The following AP1AR variants were observed in gnomAD, a reference collection of about 807,000 sequenced individuals.
AP1AR encodes AP-1 complex-associated regulatory protein.
Under a neutral mutation model 46.3 loss-of-function variants are expected in AP1AR, and 29 were observed. The ratio of observed to expected loss-of-function variants is 0.63; its 90% CI spans 0.47 to 0.85. The LOEUF (loss-of-function observed/expected upper bound fraction) is 0.85. Among genes scored for constraint, AP1AR ranks in the 40% least tolerant of loss-of-function variants. AP1AR has a pLI of 0.00. For synonymous variants in AP1AR, 122 were observed against 122.9 expected, an observed-to-expected ratio of 0.99 and a Z score of 0.05; for missense variants, 357 against 356.3, an observed-to-expected ratio of 1.00 and a Z score of -0.02.
chr4:112,263,037 C>T lies in AP1AR; in HGVS notation c.332C>T (p.Ala111Val). ...AGACTAGAAGAAGAAGCTTTATACG[C>T]TGCACAGCGTGAAGCAGCCAGGGCA... is the stretch of plus-strand genomic sequence containing the variant. ...KLRLEEEALY[A>V]AQREAARAAK... Residue 111 changes from alanine (A) to valine (V), a missense_variant, in exon 6 of 10, where the codon GCT becomes GTT. This residue lies in a region of AP1AR where 269 missense variants were observed against 223.6 expected (regional missense o/e 1.20). Coordinates refer to ENST00000274000, the MANE Select transcript of AP1AR (RefSeq NM_018569.6). 2 of 1,613,900 alleles carry T rather than the reference C, an allele frequency of 1.2e-6. No individual in the cohort carries two copies. The highest frequency in any genetic ancestry group is 1.7e-6 in the Non-Finnish European group (2 of 1,179,860).
At chr4:112,247,359 G>A (rs536213616) in intron 1 of AP1AR, among the ~76,000 whole-genome samples, 3 of 152,182 alleles carry the variant, frequency 2.0e-5, no homozygotes, top group Admixed American at 6.5e-5. Flanking sequence ...GTTAAATATA[G>A]GAATACTTTT....
intron 1 of AP1AR, among the ~76,000 whole-genome samples, chr4:112,242,414 G>A (rs1006894555): frequency 3.3e-5 from 5 of 150,984 alleles, no homozygotes; most frequent in East Asian, 1.9e-4. Context: ...AGGCTGTGTC[G>A]ACATAAAGGA....
intron 3 of AP1AR, among the ~76,000 whole-genome samples, chr4:112,256,165 CTCT>C (rs1216025237): frequency 3.3e-5 from 5 of 152,150 alleles, no homozygotes; most frequent in Non-Finnish European, 4.4e-5. Context: ...TTCAACTCAG[CTCT>C]TCTTAAATTA....
rs1030949081 is a variant in AP1AR at position 112,231,824 on chromosome 4, T to A, written c.-268T>A. ...CTAGGAGCTGAGGCGAGAAGGGCCA[T>A]GCGGACGGCGAGGGAGTCCAGAGCC... On this transcript the variant is annotated 5_prime_UTR_variant, in exon 1 of 10. The change abolishes an upstream ATG in the 5' untranslated region. Coordinates refer to ENST00000274000, the MANE Select transcript of AP1AR (RefSeq NM_018569.6). The A allele has an allele frequency of 4.0e-5, 14 of 351,208 alleles. No individual in the cohort carries two copies. Among genetic ancestry groups the A allele is most frequent in the Non-Finnish European group, 7.1e-5 (14 of 196,246 alleles). The allele number at this position is 351,208 out of a possible 1,614,324, so 21.8% of individuals were successfully genotyped here.
At position 112,232,004 on chromosome 4, in the gene AP1AR, C is replaced by T. The variant is rs920576909; in HGVS notation, c.-88C>T. ...CCTCGGTCCTTGAACCCCATTTCGG[C>T]TCGTGCCGTGCGGATGCAGCTGCCG... On this transcript the variant is annotated 5_prime_UTR_variant, in exon 1 of 10. Transcript: ENST00000274000. 3 of 1,230,566 alleles carry T rather than the reference C, an allele frequency of 2.4e-6. No individual in the cohort carries two copies. Among genetic ancestry groups the T allele is most frequent in the Non-Finnish European group, 2.1e-6 (2 of 955,894 alleles). The allele number at this position is 1,230,566 out of a possible 1,614,324, so 76.2% of individuals were successfully genotyped here. A position where few individuals can be genotyped will look rare whatever the true frequency, so the allele number is the denominator to read the frequency against.
chr4:112,245,992 C>T (rs752242054), intron 1 of AP1AR, among the ~76,000 whole-genome samples: 8 of 152,016 alleles, frequency 5.3e-5, no homozygotes, highest in East Asian at 1.9e-4. Flanking sequence ...TAGAAATGTA[C>T]GTTAATAGTT....
Position 112,262,996 on chromosome 4 carries a change from A to G in AP1AR, c.291A>G (p.Leu97=), listed in dbSNP as rs768694688. 3.1e-6 allele frequency: 5 copies of G among 1,613,448 alleles called. No homozygotes were observed. The highest frequency in any genetic ancestry group is 8.5e-7 in the Non-Finnish European group (1 of 1,179,480). ...GTTTTGTTCATGTACAGTTAGCCTT[A>G]CAAGAAGAGAAGTTAAGACTAGAAG... ...LDKKIQKELA[L]QEEKLRLEEE... is the part of the protein sequence containing the mutation. The change falls in exon 6 of 10, where the codon TTA becomes TTG. Residue 97 remains leucine (L), a synonymous_variant. Transcript: ENST00000274000.
At chr4:112,260,022 G>A (rs1432895767) in intron 4 of AP1AR, among the ~76,000 whole-genome samples, 1 of 152,164 alleles carries the variant, frequency 6.6e-6, no homozygotes, top group Non-Finnish European at 1.5e-5. Flanking sequence ...TGTAGGATAT[G>A]TGAAGGAATT....
chr4:112,257,752 TTTAA>T lies in AP1AR; in HGVS notation c.160-13_160-10del. 3 of 1,548,458 alleles carry T rather than the reference TTTAA, an allele frequency of 1.9e-6. No homozygotes were observed. The highest frequency in any genetic ancestry group is 2.6e-6 in the Non-Finnish European group (3 of 1,147,820). On this transcript the variant is annotated splice_polypyrimidine_tract_variant and intron_variant, in intron 3 of 9. Transcript: ENST00000274000. The stretch of plus-strand genomic sequence containing the variant: ...TTAGCTAATGAATTTGTTTTAATTG[TTTAA>T]TTAATTTTTGTACAGGGGGAGAGCC...
rs1004078769 is a variant in AP1AR at position 112,269,065 on chromosome 4, G to A, written c.*656G>A. The A allele has an allele frequency of 9.7e-5, 14 of 145,022 alleles. No homozygotes were observed. Among genetic ancestry groups the A allele is most frequent in the Admixed American group, 4.2e-4 (6 of 14,300 alleles). The allele number at this position is 145,022 out of a possible 1,614,324, so 9.0% of individuals were successfully genotyped here. The stretch of plus-strand genomic sequence containing the variant: ...CTTCAGAGTTTGGACATTTCAAGTT[G>A]GTAATAATAAAAAATAATATTTAAG... On this transcript the variant is annotated 3_prime_UTR_variant, in exon 10 of 10. Transcript: ENST00000274000.
At chr4:112,260,698 TTTA>T in intron 4 of AP1AR, 65 bp from the exon 5 acceptor site, 1 of 1,003,950 alleles carries the variant, frequency 1.0e-6, no homozygotes, top group South Asian at 2.1e-5. Context: ...TTTTGAGTGT[TTTA>T]TTTGGACTTA....
rs1402964487 is a variant in AP1AR at position 112,265,674 on chromosome 4, A to T, written c.441-60A>T. 5.6e-6 allele frequency: 7 copies of T among 1,255,644 alleles called. No individual in the cohort carries two copies. In the South Asian group the frequency reaches 6.5e-5, roughly 12 times the overall value. The allele number at this position is 1,255,644 out of a possible 1,614,324, so 77.8% of individuals were successfully genotyped here. On this transcript the variant is annotated intron_variant, in intron 7 of 9. Coordinates refer to ENST00000274000, the MANE Select transcript of AP1AR (RefSeq NM_018569.6). Reference sequence around the variant, plus strand: ...AGCCACAATGCCATCATTAGCTTATATATTTGTCATATTGCAGCTACCATG... The same window carrying T: ...AGCCACAATGCCATCATTAGCTTATTTATTTGTCATATTGCAGCTACCATG...
intron 1 of AP1AR, among the ~76,000 whole-genome samples, chr4:112,244,159 C>A (rs1054935874): frequency 1.3e-5 from 2 of 152,088 alleles, no homozygotes; most frequent in African/African-American, 4.8e-5. Context: ...TAAATAAATG[C>A]AGGGCAATAC....
At position 112,257,917 on chromosome 4, in the gene AP1AR, C is replaced by G; in HGVS notation, c.185+120C>G. On this transcript the variant is annotated intron_variant, in intron 4 of 9. Transcript: ENST00000274000. The stretch of plus-strand genomic sequence containing the variant: ...ACATTAAACAGTTTACATTTCAGAA[C>G]TTTCAGATTTTTCTTTTTATAAGAT... 3 of 804,546 alleles carry G rather than the reference C, an allele frequency of 3.7e-6. No homozygotes were observed. In the South Asian group the frequency reaches 7.9e-5, roughly 21 times the overall value. The allele number at this position is 804,546 out of a possible 1,614,324, so 49.8% of individuals were successfully genotyped here. A position where few individuals can be genotyped will look rare whatever the true frequency, so the allele number is the denominator to read the frequency against.
At chr4:112,234,051 G>A (rs1157115777) in intron 1 of AP1AR, among the ~76,000 whole-genome samples, 1 of 152,136 alleles carries the variant, frequency 6.6e-6, no homozygotes, top group East Asian at 1.9e-4. Flanking sequence ...AGTAGAGACC[G>A]GGTTTCACCC....
intron 1 of AP1AR, among the ~76,000 whole-genome samples, chr4:112,236,658 C>T: frequency 6.6e-6 from 1 of 152,172 alleles, no homozygotes. Context: ...ACCTCGGCTT[C>T]CCAAAGTGCT....
intron 3 of AP1AR, among the ~76,000 whole-genome samples, chr4:112,255,117 G>A (rs1383178699): frequency 6.6e-5 from 10 of 151,862 alleles, no homozygotes; most frequent in African/African-American, 1.7e-4. Flanking sequence ...CCGCCACTAC[G>A]CCCGGCTAAT....
At chr4:112,263,647 T>A (rs906208486) in intron 6 of AP1AR, among the ~76,000 whole-genome samples, 5 of 152,114 alleles carry the variant, frequency 3.3e-5, no homozygotes, top group Non-Finnish European at 7.4e-5. Flanking sequence ...GGCAGCAGAT[T>A]TACCGTATCT....
At chr4:112,253,723 G>A (rs558529131) in intron 2 of AP1AR, among the ~76,000 whole-genome samples, 243 of 152,284 alleles carry the variant, frequency 1.6e-3, no homozygotes, top group Non-Finnish European at 2.9e-3. Context: ...TACAAATTAA[G>A]AATGTCATCA....
Sources: gnomAD v4.1 joint callset for allele counts (sites outside exome capture counted in the v4.1 genomes callset) on GRCh38, gnomAD v4.1.1 for gene constraint, gnomAD v4.1.1 regional missense constraint, MANE v1.5 for transcripts, NCBI Gene and HGNC (gene_info 2026-07-23, HGNC 2026-07-21) for gene names.